VIPR1: variants seen among roughly 807,000 people sequenced by gnomAD.
VIPR1 encodes the protein vasoactive intestinal polypeptide receptor 1.
VIPR1 carries 59 observed loss-of-function variants against 58.8 expected under a neutral mutation model. That is an observed-to-expected ratio of 1.00 (90% CI 0.81 to 1.25). The LOEUF (loss-of-function observed/expected upper bound fraction) is 1.25, where lower values mean the gene tolerates loss of function less well. Among genes scored for constraint, VIPR1 ranks in the 50% most tolerant of loss-of-function variants. The pLI is 0.00. For missense variants in VIPR1, 626 were observed against 602.7 expected, an observed-to-expected ratio of 1.04 and a Z score of -0.40; for synonymous variants, 251 against 242.1, an observed-to-expected ratio of 1.04 and a Z score of -0.34.
Position 42,525,884 on chromosome 3 carries a change from C to T in VIPR1, c.293-3C>T, listed in dbSNP as rs1277594030. Reference sequence around the variant, plus strand: ...TTTGTCCTTGCCCCTGCCCTCCACCCAGGCCGCAATGTAAGCCGCAGCTGC... The same window carrying T: ...TTTGTCCTTGCCCCTGCCCTCCACCTAGGCCGCAATGTAAGCCGCAGCTGC... On this transcript the variant is annotated splice_polypyrimidine_tract_variant and splice_region_variant and intron_variant, in intron 3 of 12. Coordinates refer to ENST00000325123, the MANE Select transcript of VIPR1 (RefSeq NM_004624.4). The T allele has an allele frequency of 6.2e-7, 1 of 1,605,804 alleles. No individual in the cohort carries two copies. Among genetic ancestry groups the T allele is most frequent in the Non-Finnish European group, 8.5e-7 (1 of 1,176,548 alleles).
intron 2 of VIPR1, among the ~76,000 whole-genome samples, chr3:42,514,059 G>A (rs1700498802): frequency 6.6e-6 from 1 of 152,154 alleles, no homozygotes; most frequent in Non-Finnish European, 1.5e-5. Context: ...CCGCAGCTAA[G>A]GAGGACATAC....
chr3:42,525,483 C>T lies in VIPR1; in HGVS notation c.293-404C>T, dbSNP rs576199730. Among the ~76,000 whole-genome samples, 12 of 152,124 alleles carry T rather than the reference C, an allele frequency of 7.9e-5. 1 individual carries two copies. In the South Asian group the frequency reaches 1.0e-3, roughly 13 times the overall value. ...CCCAGGCAGGCTGACTGAGGAGGAC[C>T]GGGCAGGCCTGGGCCCCTTCCCCCA... On this transcript the variant is annotated intron_variant, in intron 3 of 12. Coordinates refer to ENST00000325123, the MANE Select transcript of VIPR1 (RefSeq NM_004624.4).
chr3:42,495,063 A>T (rs577314159), intron 1 of VIPR1, among the ~76,000 whole-genome samples: 1 of 152,288 alleles, frequency 6.6e-6, no homozygotes, highest in South Asian at 2.1e-4. Context: ...AAACCCAAAT[A>T]TCCGTCACCC....
chr3:42,510,470 G>T (rs537625553), intron 1 of VIPR1, among the ~76,000 whole-genome samples: 1 of 152,202 alleles, frequency 6.6e-6, no homozygotes, highest in Admixed American at 6.5e-5. Flanking sequence ...GGGAGAGGAA[G>T]TCCAAAGTCT....
chr3:42,527,576 G>C, intron 5 of VIPR1, 80 bp downstream of exon 5: 1 of 1,401,328 alleles, frequency 7.1e-7, no homozygotes. Flanking sequence ...CGTGGCCCAG[G>C]CGTGCCCCGA....
chr3:42,510,086 C>T (rs1700293705), intron 1 of VIPR1, among the ~76,000 whole-genome samples: 2 of 152,230 alleles, frequency 1.3e-5, no homozygotes, highest in Non-Finnish European at 2.9e-5. Context: ...AATCCTACCC[C>T]AGTCTACATC....
chr3:42,495,727 A>G (rs1461694411), intron 1 of VIPR1, among the ~76,000 whole-genome samples: 3 of 152,094 alleles, frequency 2.0e-5, no homozygotes, highest in African/African-American at 7.2e-5. Flanking sequence ...AGAGAGTCAC[A>G]TGGCTAGAAC....
chr3:42,531,006 G>A, intron 7 of VIPR1, 74 bp downstream of exon 7: 1 of 1,570,614 alleles, frequency 6.4e-7, no homozygotes, highest in Non-Finnish European at 8.7e-7. Flanking sequence ...GGGGGAGGGT[G>A]CCAACCCAGC....
At chr3:42,501,742 C>G (rs142209915), upstream of VIPR1, among the ~76,000 whole-genome samples, 1,012 of 152,346 alleles carry the variant, frequency 6.6e-3, 10 homozygotes, top group African/African-American at 0.023. This position sits in a 1 kb window ranked among gnomAD's most constrained non-coding sequence, Gnocchi z 4.8. Context: ...GTATCCCCAG[C>G]TGTAAAATAG....
intron 1 of VIPR1, among the ~76,000 whole-genome samples, chr3:42,506,060 C>A (rs1166152963): frequency 6.6e-6 from 1 of 152,230 alleles, no homozygotes; most frequent in African/African-American, 2.4e-5. Context: ...GCTTGGGAGC[C>A]CTGTGCAAAC....
At chr3:42,521,523 G>T (rs557167050) in intron 3 of VIPR1, 4 of 152,310 alleles carry the variant, frequency 2.6e-5, no homozygotes, top group African/African-American at 7.2e-5. Context: ...CAGGAATGAT[G>T]GCATCACCAA....
upstream of VIPR1, among the ~76,000 whole-genome samples, chr3:42,499,201 C>T (rs75465769): frequency 5.4e-3 from 820 of 151,244 alleles, 7 homozygotes; most frequent in African/African-American, 0.019. Flanking sequence ...GCCTGGCCTC[C>T]AGCGTACAGG....
chr3:42,523,096 G>C (rs1434291200), intron 3 of VIPR1, among the ~76,000 whole-genome samples: 3 of 116,796 alleles, frequency 2.6e-5, no homozygotes, highest in South Asian at 2.6e-4. Context: ...CCCGCCCCCA[G>C]TGGAGTGTCC....
chr3:42,494,405 G>C (rs962496403), intron 1 of VIPR1, among the ~76,000 whole-genome samples: 1 of 152,086 alleles, frequency 6.6e-6, no homozygotes, highest in South Asian at 2.1e-4. Context: ...TTACATAGGA[G>C]TTATCTGTGC....
At chr3:42,518,927 G>A (rs1326204307) in intron 2 of VIPR1, among the ~76,000 whole-genome samples, 1 of 152,184 alleles carries the variant, frequency 6.6e-6, no homozygotes, top group Non-Finnish European at 1.5e-5. Flanking sequence ...AAATGCCAGT[G>A]AGGCCCCCCT....
At chr3:42,495,996 G>A (rs1699751612) in intron 1 of VIPR1, among the ~76,000 whole-genome samples, 2 of 151,942 alleles carry the variant, frequency 1.3e-5, no homozygotes, top group Non-Finnish European at 2.9e-5. Context: ...AGATAATAAT[G>A]AGTGCTGTTT....
chr3:42,535,172 C>T (rs1701778892), intron 11 of VIPR1, 68 bp downstream of exon 11: 3 of 1,609,442 alleles, frequency 1.9e-6, no homozygotes, highest in East Asian at 4.5e-5. Flanking sequence ...GGAGTCTTGG[C>T]CCTTGCCACT....
intron 1 of VIPR1, chr3:42,507,147 C>CA (rs1406798415): frequency 7.2e-5 from 11 of 152,320 alleles, no homozygotes; most frequent in African/African-American, 2.4e-4. Context: ...ACACACCTAA[C>CA]AAAATTGACA....
intron 7 of VIPR1, chr3:42,531,223 G>T: frequency 3.3e-6 from 2 of 611,506 alleles, no homozygotes; most frequent in South Asian, 4.0e-5. Context: ...ATCTATAAAG[G>T]GCCTCTGTCA....
Sources: allele counts gnomAD v4.1 joint callset (sites outside exome capture counted in the v4.1 genomes callset), GRCh38; gene constraint gnomAD v4.1.1; non-coding constraint Gnocchi (gnomAD v3.1); transcripts MANE v1.5; gene names NCBI Gene and HGNC (gene_info 2026-07-23, HGNC 2026-07-21).